KIRREL3: variants seen among roughly 807,000 people sequenced by gnomAD.
KIRREL3 encodes kin of IRRE-like protein 3.
A neutral mutation model predicts 89.7 loss-of-function variants in KIRREL3; 36 were observed. That is an observed-to-expected ratio of 0.40 (90% CI 0.31 to 0.53). The LOEUF is 0.53. KIRREL3 is among the 20% of genes least tolerant of loss of function. KIRREL3 has a pLI of 0.49. For synonymous variants in KIRREL3, 445 were observed against 441.4 expected (o/e 1.01, Z -0.10); for missense variants, 864 against 1,056.6 (o/e 0.82, Z 2.53).
intron 1 of KIRREL3, among the ~76,000 whole-genome samples, chr11:126,580,603 C>T (rs555270557): frequency 6.6e-6 from 1 of 152,256 alleles, no homozygotes; most frequent in East Asian, 1.9e-4. Context: ...CTCTAGTTCG[C>T]CCTGGCCCAG....
rs1412406575 is a variant in KIRREL3, at chr11:126,710,677, G to A, written c.56-147765C>T. Among the ~76,000 whole-genome samples, 1 of 152,044 alleles carries A rather than the reference G, an allele frequency of 6.6e-6. No individual in the cohort carries two copies. Among genetic ancestry groups the A allele is most frequent in the Non-Finnish European group, 1.5e-5 (1 of 68,004 alleles). ...TTGGACTCAGAGTCCCTGGTGCCCCGAAGGAAAGCAAATCAGCCTCACTTA... is the reference window on the plus strand; with the variant it reads ...TTGGACTCAGAGTCCCTGGTGCCCCAAAGGAAAGCAAATCAGCCTCACTTA... On this transcript the variant is annotated intron_variant, in intron 1 of 16. Coordinates refer to ENST00000525144, the MANE Select transcript of KIRREL3 (RefSeq NM_032531.4). This position sits in a 1 kb window ranked among gnomAD's most constrained non-coding sequence, Gnocchi z 4.2.
At chr11:126,469,265 C>T (rs1448215507) in intron 5 of KIRREL3, among the ~76,000 whole-genome samples, 3 of 152,280 alleles carry the variant, frequency 2.0e-5, no homozygotes, top group African/African-American at 7.2e-5. Flanking sequence ...TCAGACCCGA[C>T]AGCAGCCAGG....
rs1301058839 is a variant in KIRREL3, at chr11:126,443,044, C to G, written c.1252+1935G>C. 6.6e-6 allele frequency among the ~76,000 whole-genome samples: 1 copy of G among 152,222 alleles called. No individual in the cohort carries two copies. The highest frequency in any genetic ancestry group is 1.5e-5 in the Non-Finnish European group (1 of 68,042). On this transcript the variant is annotated intron_variant, in intron 10 of 16. Coordinates refer to ENST00000525144, the MANE Select transcript of KIRREL3 (RefSeq NM_032531.4). This position sits in a 1 kb window ranked among gnomAD's most constrained non-coding sequence, Gnocchi z 7.3. ...CGGCCTGTGTTCCCCAGGGGGCATT[C>G]TCTCCTCAAGAAATCTCTTTAAATC...
At chr11:126,923,340 T>C (rs1213392714) in intron 1 of KIRREL3, among the ~76,000 whole-genome samples, 2 of 143,400 alleles carry the variant, frequency 1.4e-5, no homozygotes, top group African/African-American at 5.2e-5. Context: ...TTCCTTCTCC[T>C]TCTCCTTCTT....
In KIRREL3 at chr11:126,877,444, T is replaced by C. The variant is rs1945333629; in HGVS notation, c.55+123011A>G. Among the ~76,000 whole-genome samples, 1 of 152,200 alleles carries C rather than the reference T, an allele frequency of 6.6e-6. No homozygotes were observed. The highest frequency in any genetic ancestry group is 2.4e-5 in the African/African-American group (1 of 41,444). Reference sequence around the variant, plus strand: ...AAACCCAAGCAGTCTGTAGTGAAAGTCTGCAATCCTGCAATGGAAAGAATC... The same window carrying C: ...AAACCCAAGCAGTCTGTAGTGAAAGCCTGCAATCCTGCAATGGAAAGAATC... On this transcript the variant is annotated intron_variant, in intron 1 of 16. Transcript: ENST00000525144. The surrounding 1 kb of genome is among the most constrained non-coding windows in gnomAD (Gnocchi z 4.9).
intron 4 of KIRREL3, among the ~76,000 whole-genome samples, chr11:126,505,089 T>C (rs1957979957): frequency 6.6e-6 from 1 of 152,204 alleles, no homozygotes; most frequent in Admixed American, 6.5e-5. Flanking sequence ...TCCCCTAAGA[T>C]TGGAAACAAA....
In KIRREL3 at chr11:126,555,127, G is replaced by A. The variant is rs756900236; in HGVS notation, c.133+7708C>T. ...GACACTGGACAAGAAGCTGGGTGCCGAGAGGGCAGGAGCTTGGACACTGCT... is the reference window on the plus strand; with the variant it reads ...GACACTGGACAAGAAGCTGGGTGCCAAGAGGGCAGGAGCTTGGACACTGCT... On this transcript the variant is annotated intron_variant, in intron 2 of 16. Transcript: ENST00000525144. This position sits in a 1 kb window ranked among gnomAD's most constrained non-coding sequence, Gnocchi z 4.2. 1.3e-5 allele frequency among the ~76,000 whole-genome samples: 2 copies of A among 152,166 alleles called. No individual in the cohort carries two copies. Among genetic ancestry groups the A allele is most frequent in the Non-Finnish European group, 2.9e-5 (2 of 68,032 alleles).
rs910005968 is a variant in KIRREL3 at position 126,752,785 on chromosome 11, G to A, written c.56-189873C>T. 6.6e-6 allele frequency among the ~76,000 whole-genome samples: 1 copy of A among 152,176 alleles called. No homozygotes were observed. The highest frequency in any genetic ancestry group is 2.4e-5 in the African/African-American group (1 of 41,446). On this transcript the variant is annotated intron_variant, in intron 1 of 16. Coordinates refer to ENST00000525144, the MANE Select transcript of KIRREL3 (RefSeq NM_032531.4). This position sits in a 1 kb window ranked among gnomAD's most constrained non-coding sequence, Gnocchi z 4.8. ...AGCATGGAAAAAAACAATTGGTTTT[G>A]CATGTTTCCTTGGGAATTTCAGGAG...
rs1021302965 is a variant in KIRREL3 at position 126,738,896 on chromosome 11, T to C, written c.56-175984A>G. The stretch of plus-strand genomic sequence containing the variant: ...CAATCCTCACAGGCAGAGGAGTCTC[T>C]TATTCTTCCACACAGGGTCCTAAAC... On this transcript the variant is annotated intron_variant, in intron 1 of 16. Transcript: ENST00000525144. Among the ~76,000 whole-genome samples, 4 of 152,376 alleles carry C rather than the reference T, an allele frequency of 2.6e-5. 1 individual carries two copies. In the South Asian group the frequency reaches 8.3e-4, roughly 32 times the overall value.
At position 126,645,133 on chromosome 11, in the gene KIRREL3, AC is replaced by A. The variant is rs1009100261; in HGVS notation, c.56-82222del. Among the ~76,000 whole-genome samples, 4 of 152,180 alleles carry A rather than the reference AC, an allele frequency of 2.6e-5. No homozygotes were observed. Among genetic ancestry groups the A allele is most frequent in the African/African-American group, 9.7e-5 (4 of 41,426 alleles). Reference sequence around the variant, plus strand: ...TGAATATATCGCAAGAGGGGTGCAGACTGGGCGTTATGAAGGAAAAAGCTGG... The same window carrying A: ...TGAATATATCGCAAGAGGGGTGCAGATGGGCGTTATGAAGGAAAAAGCTGG... On this transcript the variant is annotated intron_variant, in intron 1 of 16. Transcript: ENST00000525144. The surrounding 1 kb of genome is among the most constrained non-coding windows in gnomAD (Gnocchi z 4.9).
chr11:126,469,136 G>A (rs928366486), intron 5 of KIRREL3, among the ~76,000 whole-genome samples: 1 of 152,224 alleles, frequency 6.6e-6, no homozygotes, highest in Non-Finnish European at 1.5e-5. Context: ...CAAGGACAGG[G>A]AGGCACGGCA....
intron 1 of KIRREL3, among the ~76,000 whole-genome samples, chr11:126,670,876 C>T (rs1167665766): frequency 1.3e-5 from 2 of 152,122 alleles, no homozygotes; most frequent in African/African-American, 2.4e-5. Context: ...CACCACAATA[C>T]TAAATAAGAA....
At chr11:126,439,375 TTTG>T (rs1362230935) in intron 11 of KIRREL3, among the ~76,000 whole-genome samples, 3 of 151,548 alleles carry the variant, frequency 2.0e-5, no homozygotes, top group Non-Finnish European at 2.9e-5. Flanking sequence ...CCTTAATTTT[TTTG>T]TTGTTGTTGT....
chr11:126,449,709 G>A (rs929950702), intron 7 of KIRREL3, among the ~76,000 whole-genome samples: 1 of 152,246 alleles, frequency 6.6e-6, no homozygotes. Context: ...CGTCCAAACA[G>A]TGGAATACTA....
At chr11:126,440,634 A>G (rs1196838919) in intron 10 of KIRREL3, 85 bp from the exon 11 acceptor site, 1 of 1,187,990 alleles carries the variant, frequency 8.4e-7, no homozygotes, top group Non-Finnish European at 1.2e-6. Flanking sequence ...AAGTGTATTC[A>G]TTAATCCAAG....
chr11:126,863,466 TGTGTGTGAGTGC>T lies in KIRREL3; in HGVS notation c.55+136977_55+136988del, dbSNP rs1250315617. 3.0e-4 allele frequency among the ~76,000 whole-genome samples: 33 copies of T among 111,014 alleles called. 1 individual carries two copies. Among genetic ancestry groups the T allele is most frequent in the South Asian group, 7.1e-4 (2 of 2,808 alleles). 72.8% of individuals were successfully genotyped at this position (111,014 alleles called of 152,430 possible). ...GTGAGTGTGTGTGTTTGAGTGCGTG[TGTGTGTGAGTGC>T]GTGTGTGAGTGCGTGTGTGAGTGTG... On this transcript the variant is annotated intron_variant, in intron 1 of 16. Coordinates refer to ENST00000525144, the MANE Select transcript of KIRREL3 (RefSeq NM_032531.4).
In KIRREL3 at chr11:126,578,230, G is replaced by A. The variant is rs1030164354; in HGVS notation, c.56-15318C>T. Among the ~76,000 whole-genome samples, 5 of 151,998 alleles carry A rather than the reference G, an allele frequency of 3.3e-5. No homozygotes were observed. Among genetic ancestry groups the A allele is most frequent in the Non-Finnish European group, 5.9e-5 (4 of 68,010 alleles). Reference sequence around the variant, plus strand: ...AAATAAACAACCCTTAGGATGTTTCGGTCCTGGGATGCTTGCAGCCCAGGA... The same window carrying A: ...AAATAAACAACCCTTAGGATGTTTCAGTCCTGGGATGCTTGCAGCCCAGGA... On this transcript the variant is annotated intron_variant, in intron 1 of 16. Transcript: ENST00000525144. The surrounding 1 kb of genome is among the most constrained non-coding windows in gnomAD (Gnocchi z 4.9).
At chr11:126,713,544 G>A (rs1476465445) in intron 1 of KIRREL3, among the ~76,000 whole-genome samples, 1 of 152,198 alleles carries the variant, frequency 6.6e-6, no homozygotes, top group Non-Finnish European at 1.5e-5. Flanking sequence ...CCTGGGACAG[G>A]GCTGCGCTGC....
intron 1 of KIRREL3, among the ~76,000 whole-genome samples, chr11:126,803,917 G>A (rs974125220): frequency 3.9e-5 from 6 of 152,234 alleles, no homozygotes; most frequent in Non-Finnish European, 5.9e-5. Flanking sequence ...CAAATTGGAA[G>A]CGGGCCCTTT....
Sources: gnomAD v4.1 joint callset for allele counts (sites outside exome capture counted in the v4.1 genomes callset) on GRCh38, gnomAD v4.1.1 for gene constraint, Gnocchi (gnomAD v3.1) non-coding constraint, MANE v1.5 for transcripts, NCBI Gene and HGNC (gene_info 2026-07-23, HGNC 2026-07-21) for gene names.